Variants in SCN10A observed in about 807,000 individuals in gnomAD.
The protein encoded by SCN10A is sodium voltage-gated channel alpha subunit 10.
SCN10A carries 162 observed loss-of-function variants against 170.7 expected under a neutral mutation model. That is an observed-to-expected ratio of 0.95 (90% CI 0.84 to 1.08). The LOEUF (loss-of-function observed/expected upper bound fraction) is 1.08, where lower values mean the gene tolerates loss of function less well. Ranked by LOEUF, SCN10A falls within the 50% of genes least tolerant of loss-of-function variation. The probability of loss-of-function intolerance (pLI) is 0.00; values close to 1 mark genes in which losing one functional copy is unlikely to be tolerated. For missense variants in SCN10A, 2,527 were observed against 2,436.9 expected (o/e 1.04, Z -0.78); for synonymous variants, 985 against 904.6 (o/e 1.09, Z -1.59).
chr3:38,780,163 A>ATTGTTGCCATCTTAT (rs1247890735), intron 4 of SCN10A, among the ~76,000 whole-genome samples: 1 of 151,960 alleles, frequency 6.6e-6, no homozygotes, highest in African/African-American at 2.4e-5. Context: ...ATTTATAAAT[A>ATTGTTGCCATCTTAT]TTGTTGCCAT....
intron 15 of SCN10A, among the ~76,000 whole-genome samples, chr3:38,730,696 T>C (rs2063505318): frequency 6.6e-6 from 1 of 152,046 alleles, no homozygotes; most frequent in Admixed American, 6.5e-5. Context: ...AAATACACTC[T>C]TAGAAATGAA....
intron 5 of SCN10A, among the ~76,000 whole-genome samples, chr3:38,770,668 G>A (rs755919537): frequency 1.6e-4 from 24 of 151,970 alleles, no homozygotes; most frequent in African/African-American, 2.2e-4. Flanking sequence ...CTTTTGGACC[G>A]CATCCCTCAC....
rs537144980 is a variant in SCN10A at position 38,796,598 on chromosome 3, C to T, written c.-32-2556G>A. 8.5e-4 allele frequency among the ~76,000 whole-genome samples: 130 copies of T among 152,300 alleles called. 1 individual carries two copies. Among genetic ancestry groups the T allele is most frequent in the African/African-American group, 3.0e-3 (123 of 41,568 alleles). ...AGCCACACTACTTTTATAAGTTTAT[C>T]CTTGAATTTGACCCATTCTTTTTTA... On this transcript the variant is annotated intron_variant, in intron 1 of 27. Coordinates refer to ENST00000449082, the MANE Select transcript of SCN10A (RefSeq NM_006514.4).
At chr3:38,777,962 A>T (rs779636717) in intron 4 of SCN10A, among the ~76,000 whole-genome samples, 10 of 152,136 alleles carry the variant, frequency 6.6e-5, no homozygotes, top group African/African-American at 9.7e-5. Flanking sequence ...TGAGGAGAAA[A>T]CACAGGATAA....
Position 38,793,859 on chromosome 3 carries a change from G to A in SCN10A, c.152C>T (p.Pro51Leu). The A allele has an allele frequency of 6.2e-7, 1 of 1,614,040 alleles. No homozygotes were observed. The highest frequency in any genetic ancestry group is 8.5e-7 in the Non-Finnish European group (1 of 1,179,962). ...GGCTTTCAAGTCCAGCTGGGGCCGA[G>A]GCTTCTCTTCTTGGTCCTTCTGCTC... ...HREQKDQEEKPRPQLDLKACN... is the reference protein window; with the variant it reads ...HREQKDQEEKLRPQLDLKACN... Residue 51 changes from proline (P) to leucine (L), a missense_variant, in exon 2 of 28, where the codon CCT (proline) becomes CTT (leucine). Transcript: ENST00000449082.
At chr3:38,764,654 T>C (rs2063912069) in intron 5 of SCN10A, among the ~76,000 whole-genome samples, 1 of 152,214 alleles carries the variant, frequency 6.6e-6, no homozygotes, top group African/African-American at 2.4e-5. Flanking sequence ...TTTTTGCAGT[T>C]GTAAACTGTG....
chr3:38,739,643 C>A lies in SCN10A; in HGVS notation c.2152G>T (p.Ala718Ser). Reference sequence around the variant, plus strand: ...TGGAAATAATAGTATGGGTCGAAGGCAATGATTTTGAAGACCATTTCAGCA... The same window carrying A: ...TGGAAATAATAGTATGGGTCGAAGGAAATGATTTTGAAGACCATTTCAGCA... ...FTAEMVFKII[A>S]FDPYYYFQKK... The change falls in exon 15 of 28, where the codon GCC (alanine) becomes TCC (serine). Residue 718 changes from alanine (A) to serine (S), a missense_variant. Physicochemically the swap from Ala to Ser is moderately conservative, Grantham distance 99 (BLOSUM62 1). Transcript: ENST00000449082. 1.2e-6 allele frequency: 2 copies of A among 1,614,062 alleles called. No homozygotes were observed. The highest frequency in any genetic ancestry group is 1.7e-6 in the Non-Finnish European group (2 of 1,179,966).
Position 38,718,762 on chromosome 3 carries a change from C to A in SCN10A, c.3572G>T (p.Arg1191Met). 6.2e-7 allele frequency: 1 copy of A among 1,614,234 alleles called. No individual in the cohort carries two copies. The highest frequency in any genetic ancestry group is 8.5e-7 in the Non-Finnish European group (1 of 1,180,034). Residue 1191 changes from arginine to methionine, a missense_variant, in exon 21 of 28, where the codon AGG becomes ATG. Coordinates refer to ENST00000449082, the MANE Select transcript of SCN10A (RefSeq NM_006514.4). Reference protein sequence around the residue: ...TVKALLEYTDRVFTFIFVFEM... With the variant: ...TVKALLEYTDMVFTFIFVFEM... Reference sequence around the variant, plus strand: ...GAACACAAAGATAAAGGTGAAGACCCTGTCAGTGTACTCCAGCAAAGCTTT... The same window carrying A: ...GAACACAAAGATAAAGGTGAAGACCATGTCAGTGTACTCCAGCAAAGCTTT...
chr3:38,807,833 C>T (rs1028712057), intron 1 of SCN10A, among the ~76,000 whole-genome samples: 1 of 151,998 alleles, frequency 6.6e-6, no homozygotes, highest in Non-Finnish European at 1.5e-5. Flanking sequence ...AACATGTAGA[C>T]TCTCCCTCTC....
In SCN10A at chr3:38,697,915, C is replaced by T; in HGVS notation, c.5305G>A (p.Asp1769Asn). ...ITFSALSDFA[D>N]TLSGPLRIPK... ...ATTCTCAGGGGACCAGAGAGAGTGT[C>T]TGCAAAGTCCGAGAGAGCAGAAAAG... The change falls in exon 28 of 28, where the codon GAC becomes AAC. Residue 1769 changes from aspartate (D) to asparagine (N), a missense_variant. Transcript: ENST00000449082. The T allele has an allele frequency of 6.2e-7, 1 of 1,614,112 alleles. No individual in the cohort carries two copies. Among genetic ancestry groups the T allele is most frequent in the Non-Finnish European group, 8.5e-7 (1 of 1,180,032 alleles).
intron 5 of SCN10A, among the ~76,000 whole-genome samples, chr3:38,770,464 G>A (rs1023949301): frequency 1.3e-5 from 2 of 152,204 alleles, no homozygotes; most frequent in Non-Finnish European, 1.5e-5. Context: ...TCTCAGGCCA[G>A]TGGGGTTGTG....
chr3:38,754,583 G>A (rs559998638), intron 11 of SCN10A, among the ~76,000 whole-genome samples: 4 of 152,192 alleles, frequency 2.6e-5, no homozygotes, highest in African/African-American at 4.8e-5. Flanking sequence ...CATTTCCATG[G>A]AAGCTGTGAT....
intron 1 of SCN10A, among the ~76,000 whole-genome samples, chr3:38,815,574 A>G (rs11708296): frequency 0.12 from 17,712 of 152,260 alleles, 1,193 homozygotes; most frequent in Middle Eastern, 0.2. Context: ...GCTGTGTATC[A>G]CCACTGACCC....
chr3:38,708,861 C>T (rs937583607), intron 25 of SCN10A, among the ~76,000 whole-genome samples: 1 of 152,190 alleles, frequency 6.6e-6, no homozygotes, highest in Non-Finnish European at 1.5e-5. Context: ...CCTTTTCTCT[C>T]GGGATCTCAG....
intron 26 of SCN10A, among the ~76,000 whole-genome samples, chr3:38,706,467 T>A: frequency 6.6e-6 from 1 of 152,230 alleles, no homozygotes; most frequent in Admixed American, 6.5e-5. Flanking sequence ...CCAATTCCAT[T>A]CACTGGAGTG....
chr3:38,804,144 C>A (rs964961357), intron 1 of SCN10A, among the ~76,000 whole-genome samples: 2 of 152,184 alleles, frequency 1.3e-5, no homozygotes, highest in South Asian at 2.1e-4. Flanking sequence ...TCATATAATT[C>A]TCTTGCTTGT....
chr3:38,711,174 G>C (rs1317945319), intron 23 of SCN10A, among the ~76,000 whole-genome samples: 1 of 152,214 alleles, frequency 6.6e-6, no homozygotes, highest in African/African-American at 2.4e-5. Flanking sequence ...TAGGTGTCTG[G>C]TTCTAGTGCC....
rs574226258 is a variant in SCN10A at position 38,723,209 on chromosome 3, G to A, written c.3352+221C>T. 8.5e-5 allele frequency among the ~76,000 whole-genome samples: 13 copies of A among 152,242 alleles called. No individual in the cohort carries two copies. In the South Asian group the frequency reaches 2.5e-3, roughly 29 times the overall value. ...TTTGAGGGTAAAGAGGAAGGCCCAC[G>A]TCTCTCCGTAGTGTCTGATAGGGCA... On this transcript the variant is annotated intron_variant, in intron 19 of 27. Coordinates refer to ENST00000449082, the MANE Select transcript of SCN10A (RefSeq NM_006514.4).
At chr3:38,802,029 C>A (rs2064374234) in intron 1 of SCN10A, among the ~76,000 whole-genome samples, 1 of 152,114 alleles carries the variant, frequency 6.6e-6, no homozygotes, top group Non-Finnish European at 1.5e-5. Flanking sequence ...AGCTTCTCTC[C>A]CCTCTGTGTT....
Sources: gnomAD v4.1 joint callset for allele counts (sites outside exome capture counted in the v4.1 genomes callset) on GRCh38, gnomAD v4.1.1 for gene constraint, MANE v1.5 for transcripts, NCBI Gene and HGNC (gene_info 2026-07-23, HGNC 2026-07-21) for gene names.